The following WWOX variants were observed in gnomAD, a reference collection of about 807,000 sequenced individuals.
The protein encoded by WWOX is WW domain-containing oxidoreductase.
Under a neutral mutation model 46.2 loss-of-function variants are expected in WWOX, and 69 were observed. That is an observed-to-expected ratio of 1.49 (90% CI 1.23 to 1.82). WWOX has a LOEUF of 1.82. Among genes scored for constraint, WWOX ranks in the 40% most tolerant of loss-of-function variants. The probability of loss-of-function intolerance (pLI) is 0.00; values close to 1 mark genes in which losing one functional copy is unlikely to be tolerated. For synonymous variants in WWOX, 359 were observed against 202.6 expected (o/e 1.77, Z -6.56); for missense variants, 919 against 542.6 (o/e 1.69, Z -6.89).
rs77934093 is a variant in WWOX at position 79,035,168 on chromosome 16, G to T, written c.1057-176440G>T. Among the ~76,000 whole-genome samples, 589 of 152,122 alleles carry T rather than the reference G, an allele frequency of 3.9e-3. 1 individual carries two copies. The highest frequency in any genetic ancestry group is 6.0e-3 in the Non-Finnish European group (406 of 68,012). ...TTTGACCGTCAGTATTTTCATTTTT[G>T]CATGTGCCACTTTAATTTCCCTAGG... is the stretch of plus-strand genomic sequence containing the variant. On this transcript the variant is annotated intron_variant, in intron 8 of 8. Coordinates refer to ENST00000566780, the MANE Select transcript of WWOX (RefSeq NM_016373.4).
At chr16:78,624,451 T>G (rs1477349804) in intron 8 of WWOX, among the ~76,000 whole-genome samples, 1 of 152,200 alleles carries the variant, frequency 6.6e-6, no homozygotes, top group Non-Finnish European at 1.5e-5. Context: ...TAATACTGAC[T>G]CATATCTTAT....
At chr16:79,055,911 A>G (rs1440025773) in intron 8 of WWOX, among the ~76,000 whole-genome samples, 3 of 152,236 alleles carry the variant, frequency 2.0e-5, no homozygotes, top group African/African-American at 7.2e-5. Flanking sequence ...AGGGATAAGA[A>G]GAGGGAAGGT....
At chr16:78,298,116 T>C (rs1027769315) in intron 5 of WWOX, among the ~76,000 whole-genome samples, 1 of 152,156 alleles carries the variant, frequency 6.6e-6, no homozygotes, top group African/African-American at 2.4e-5. Flanking sequence ...TCTCCTTCCA[T>C]CATGAATGTA....
intron 8 of WWOX, among the ~76,000 whole-genome samples, chr16:78,876,527 A>G (rs1396184765): frequency 2.6e-5 from 4 of 151,650 alleles, no homozygotes; most frequent in Non-Finnish European, 5.9e-5. Flanking sequence ...TGTGAATGTC[A>G]AAGAAGTTTC....
At chr16:78,844,130 A>G (rs772252296) in intron 8 of WWOX, among the ~76,000 whole-genome samples, 6 of 152,082 alleles carry the variant, frequency 3.9e-5, no homozygotes, top group Non-Finnish European at 7.4e-5. Context: ...CTGTGGTTGA[A>G]ATCTATCGTA....
intron 5 of WWOX, among the ~76,000 whole-genome samples, chr16:78,312,459 C>G (rs1261749071): frequency 6.7e-6 from 1 of 149,504 alleles, no homozygotes; most frequent in Non-Finnish European, 1.5e-5. Flanking sequence ...CTCACTGCAA[C>G]CTCCACCTCC....
At chr16:78,454,837 C>T (rs546781453) in intron 8 of WWOX, among the ~76,000 whole-genome samples, 2 of 152,234 alleles carry the variant, frequency 1.3e-5, no homozygotes, top group East Asian at 3.9e-4. Flanking sequence ...CAATGATGAC[C>T]CAGTTTCAAT....
chr16:79,211,373 G>T lies in WWOX; in HGVS notation c.1057-235G>T, dbSNP rs148836372. Among the ~76,000 whole-genome samples, 458 of 152,278 alleles carry T rather than the reference G, an allele frequency of 3.0e-3. 3 individuals carry two copies. The highest frequency in any genetic ancestry group is 0.023 in the Admixed American group (354 of 15,302). On this transcript the variant is annotated intron_variant, in intron 8 of 8. Transcript: ENST00000566780. ...TTTTCCAAGCCTGTCCCTGTATGAG[G>T]TGTCAAAAGTTACACCAGCTTTACA...
At chr16:78,850,341 ACTAC>A (rs2052410972) in intron 8 of WWOX, among the ~76,000 whole-genome samples, 5 of 152,174 alleles carry the variant, frequency 3.3e-5, no homozygotes. Flanking sequence ...ATACATTGAT[ACTAC>A]ATCCCGAGTG....
intron 8 of WWOX, chr16:79,196,328 C>G (rs926640978): frequency 2.0e-5 from 3 of 152,168 alleles, no homozygotes; most frequent in Non-Finnish European, 2.9e-5. Flanking sequence ...TTGAAAAATG[C>G]TTAAAATTCA....
At chr16:78,288,800 G>T (rs1028255863) in intron 5 of WWOX, among the ~76,000 whole-genome samples, 3 of 152,108 alleles carry the variant, frequency 2.0e-5, no homozygotes, top group Admixed American at 1.3e-4. Context: ...TGCTCAGATA[G>T]AGTCATTTAC....
intron 6 of WWOX, among the ~76,000 whole-genome samples, chr16:78,411,284 G>C (rs930940407): frequency 2.0e-5 from 3 of 152,070 alleles, no homozygotes; most frequent in African/African-American, 4.8e-5. Context: ...ATTAGTAGTA[G>C]TTTGCTTCTT....
intron 4 of WWOX, among the ~76,000 whole-genome samples, chr16:78,130,802 G>C (rs548618737): frequency 6.6e-6 from 1 of 152,268 alleles, no homozygotes; most frequent in Non-Finnish European, 1.5e-5. Flanking sequence ...AAACAGGCAG[G>C]GTCCCTGCCC....
intron 8 of WWOX, among the ~76,000 whole-genome samples, chr16:78,652,589 G>A (rs1045372086): frequency 2.1e-4 from 32 of 152,030 alleles, no homozygotes; most frequent in Middle Eastern, 3.2e-3. Context: ...CGTGTTCGGG[G>A]TCTCCCTGTG....
intron 8 of WWOX, among the ~76,000 whole-genome samples, chr16:78,595,929 C>G (rs1048440419): frequency 5.9e-5 from 9 of 152,068 alleles, no homozygotes; most frequent in Non-Finnish European, 1.3e-4. Flanking sequence ...TACAATAAAA[C>G]TAAAAAGAAA....
At position 79,207,105 on chromosome 16, in the gene WWOX, G is replaced by A. The variant is rs567371004; in HGVS notation, c.1057-4503G>A. Among the ~76,000 whole-genome samples the A allele has an allele frequency of 3.3e-5, 5 of 152,328 alleles. No homozygotes were observed. The South Asian group carries it at 6.2e-4, about 19-fold the overall frequency. ...ACTGGGAGACAGGGAAAGACAGGGC[G>A]TGTAGACGGCCATCTATTCCACCTG... On this transcript the variant is annotated intron_variant, in intron 8 of 8. Coordinates refer to ENST00000566780, the MANE Select transcript of WWOX (RefSeq NM_016373.4).
At chr16:78,537,655 G>T (rs1392036632) in intron 8 of WWOX, among the ~76,000 whole-genome samples, 3 of 152,150 alleles carry the variant, frequency 2.0e-5, no homozygotes, top group African/African-American at 7.2e-5. Flanking sequence ...TGTTGTTGTT[G>T]TGACAACTGT....
chr16:78,916,183 A>T (rs1012002000), intron 8 of WWOX, among the ~76,000 whole-genome samples: 1 of 152,224 alleles, frequency 6.6e-6, no homozygotes, highest in Non-Finnish European at 1.5e-5. Flanking sequence ...ACGCTGCACA[A>T]GGAAGACCTT....
intron 8 of WWOX, among the ~76,000 whole-genome samples, chr16:78,585,981 G>C (rs916329236): frequency 2.6e-5 from 4 of 151,994 alleles, no homozygotes; most frequent in Non-Finnish European, 4.4e-5. Flanking sequence ...GGGATCCCTT[G>C]AGCCCAGGAG....
Sources: gnomAD v4.1 joint callset for allele counts (sites outside exome capture counted in the v4.1 genomes callset) on GRCh38, gnomAD v4.1.1 for gene constraint, MANE v1.5 for transcripts, NCBI Gene and HGNC (gene_info 2026-07-23, HGNC 2026-07-21) for gene names.